The following CPXM2 variants were observed in gnomAD, a reference collection of about 807,000 sequenced individuals.
CPXM2 encodes the protein inactive carboxypeptidase-like protein X2.
In CPXM2, 66 loss-of-function variants were observed where a neutral mutation model predicts 86.1. That is an observed-to-expected ratio of 0.77 (90% CI 0.63 to 0.94). The LOEUF (loss-of-function observed/expected upper bound fraction) is 0.94, where lower values mean the gene tolerates loss of function less well. CPXM2 is among the 40% of genes least tolerant of loss of function. CPXM2 has a pLI of 0.00. For synonymous variants in CPXM2, 388 were observed against 400.2 expected (o/e 0.97, Z 0.36); for missense variants, 948 against 1,026.3 (o/e 0.92, Z 1.04).
At chr10:123,765,457 C>T (rs985963740) in intron 10 of CPXM2, among the ~76,000 whole-genome samples, 3 of 152,202 alleles carry the variant, frequency 2.0e-5, no homozygotes, top group African/African-American at 7.2e-5. Context: ...ATCTTATAGC[C>T]TAGTGGCTAA....
intron 6 of CPXM2, among the ~76,000 whole-genome samples, chr10:123,795,096 C>T (rs1480241035): frequency 6.6e-6 from 1 of 152,118 alleles, no homozygotes; most frequent in African/African-American, 2.4e-5. Context: ...TGGAAAACTA[C>T]ACATAACATA....
intron 4 of CPXM2, among the ~76,000 whole-genome samples, chr10:123,806,987 T>G (rs963802826): frequency 3.3e-5 from 5 of 152,200 alleles, no homozygotes; most frequent in African/African-American, 1.2e-4. Flanking sequence ...ACCCATGTGA[T>G]AGCAGCGTGT....
chr10:123,845,084 A>G (rs1848470597), intron 3 of CPXM2, among the ~76,000 whole-genome samples: 1 of 150,894 alleles, frequency 6.6e-6, no homozygotes, highest in South Asian at 2.1e-4. Flanking sequence ...AAAAAAAAAA[A>G]TACAATTAAT....
chr10:123,859,572 G>A (rs1232478145), intron 3 of CPXM2, among the ~76,000 whole-genome samples: 4 of 152,254 alleles, frequency 2.6e-5, no homozygotes, highest in Non-Finnish European at 4.4e-5. Flanking sequence ...TAGGGTCAGA[G>A]CCAGAGGCTG....
At chr10:123,789,634 T>G (rs917751906) in intron 6 of CPXM2, among the ~76,000 whole-genome samples, 1 of 152,190 alleles carries the variant, frequency 6.6e-6, no homozygotes, top group Non-Finnish European at 1.5e-5. Flanking sequence ...CTCAAAGAAT[T>G]TTCCCAGCAA....
At chr10:123,933,721 A>C (rs1945688956) in intron 2 of CPXM2, among the ~76,000 whole-genome samples, 1 of 151,852 alleles carries the variant, frequency 6.6e-6, no homozygotes, top group Admixed American at 6.6e-5. Context: ...ATGTCTCTGA[A>C]AACAACAACA....
chr10:123,926,651 C>G (rs1945624046), intron 2 of CPXM2, among the ~76,000 whole-genome samples: 1 of 152,214 alleles, frequency 6.6e-6, no homozygotes, highest in South Asian at 2.1e-4. Context: ...GAAAATCTGT[C>G]TGCCTTTTGT....
intron 6 of CPXM2, among the ~76,000 whole-genome samples, chr10:123,787,263 A>T (rs1198257718): frequency 6.6e-6 from 1 of 152,198 alleles, no homozygotes; most frequent in East Asian, 1.9e-4. Flanking sequence ...GGTGGAAGGA[A>T]GCCCCAGGTG....
chr10:123,888,735 T>C (rs933151143), intron 1 of CPXM2, among the ~76,000 whole-genome samples: 46 of 152,180 alleles, frequency 3.0e-4, no homozygotes, highest in African/African-American at 9.4e-4. Flanking sequence ...GAGTTAAAAA[T>C]ATGAGATAAA....
intron 13 of CPXM2, chr10:123,751,822 A>C: frequency 4.1e-6 from 4 of 985,302 alleles, no homozygotes; most frequent in Non-Finnish European, 4.8e-6. Context: ...TAAAGTATGG[A>C]GTTTATCTGT....
At chr10:123,866,345 A>G (rs182348273) in intron 2 of CPXM2, among the ~76,000 whole-genome samples, 5 of 152,084 alleles carry the variant, frequency 3.3e-5, no homozygotes, top group East Asian at 1.9e-4. Context: ...AGGTGGATCA[A>G]TTGAGGTCAG....
At chr10:123,873,940 G>A (rs144418736) in intron 2 of CPXM2, among the ~76,000 whole-genome samples, 6,032 of 146,562 alleles carry the variant, frequency 0.041, 163 homozygotes, top group East Asian at 0.11. Context: ...GCTCACTGCA[G>A]CCTCCACCTC....
intron 4 of CPXM2, among the ~76,000 whole-genome samples, chr10:123,810,479 T>C (rs765665682): frequency 6.6e-6 from 1 of 152,064 alleles, no homozygotes; most frequent in Non-Finnish European, 1.5e-5. Flanking sequence ...TATCAAACTA[T>C]GTAATTATCC....
intron 2 of CPXM2, among the ~76,000 whole-genome samples, chr10:123,936,613 G>A (rs1159325522): frequency 1.3e-5 from 2 of 152,184 alleles, no homozygotes; most frequent in East Asian, 3.8e-4. Flanking sequence ...AAGGAATGAA[G>A]GTCTTGACCG....
At chr10:123,920,768 G>A (rs1276529246) in intron 2 of CPXM2, among the ~76,000 whole-genome samples, 1 of 152,320 alleles carries the variant, frequency 6.6e-6, no homozygotes, top group Middle Eastern at 3.4e-3. Flanking sequence ...CCTCATGAAT[G>A]GATTAATGCT....
At chr10:123,772,944 C>T (rs1047863355) in intron 7 of CPXM2, among the ~76,000 whole-genome samples, 4 of 151,656 alleles carry the variant, frequency 2.6e-5, no homozygotes, top group African/African-American at 7.3e-5. Flanking sequence ...TCTCACCTCC[C>T]TGGTTGTGGT....
intron 2 of CPXM2, among the ~76,000 whole-genome samples, chr10:123,876,815 G>A (rs970257424): frequency 1.8e-4 from 27 of 152,172 alleles, no homozygotes; most frequent in Non-Finnish European, 1.0e-4. Flanking sequence ...ACTGTGTGCT[G>A]TGTGCTACAC....
chr10:123,759,293 C>A (rs1846281878), intron 11 of CPXM2, among the ~76,000 whole-genome samples: 1 of 152,222 alleles, frequency 6.6e-6, no homozygotes, highest in African/African-American at 2.4e-5. Flanking sequence ...GAGAGCTGAA[C>A]ACCTGTCTAC....
chr10:123,753,201 G>A (rs1768260323), intron 13 of CPXM2, among the ~76,000 whole-genome samples: 1 of 152,130 alleles, frequency 6.6e-6, no homozygotes, highest in Admixed American at 6.5e-5. Context: ...TCAGTCCACG[G>A]GGATCAGTGG....
Sources: gnomAD v4.1 joint callset for allele counts (sites outside exome capture counted in the v4.1 genomes callset) on GRCh38, gnomAD v4.1.1 for gene constraint, MANE v1.5 for transcripts, NCBI Gene and HGNC (gene_info 2026-07-23, HGNC 2026-07-21) for gene names.